RYR3: variants seen among roughly 807,000 people sequenced by gnomAD.
RYR3 encodes the protein brain ryanodine receptor-calcium release channel.
A neutral mutation model predicts 584.3 loss-of-function variants in RYR3; 207 were observed. That is an observed-to-expected ratio of 0.35 (90% confidence interval 0.32 to 0.40). The LOEUF is 0.40. RYR3 is among the 10% of genes least tolerant of loss of function. The pLI, the probability that RYR3 is intolerant of heterozygous loss-of-function variation, is 1.00. For missense variants in RYR3, 5,616 were observed against 6,089.2 expected (o/e 0.92, Z 2.59); for synonymous variants, 2,416 against 2,248.5 (o/e 1.07, Z -2.11).
chr15:33,694,315 G>A (rs1330829670), intron 38 of RYR3, among the ~76,000 whole-genome samples: 1 of 151,326 alleles, frequency 6.6e-6, no homozygotes, highest in East Asian at 1.9e-4. Flanking sequence ...TGCAATCTCA[G>A]CTCACTGCAA....
intron 53 of RYR3, among the ~76,000 whole-genome samples, chr15:33,747,715 G>A (rs145168049): frequency 2.6e-5 from 4 of 152,142 alleles, no homozygotes; most frequent in East Asian, 1.9e-4. Flanking sequence ...ATGAGCCACC[G>A]TGCCCAGCCC....
chr15:33,564,279 A>G (rs2057576559), intron 11 of RYR3, among the ~76,000 whole-genome samples: 2 of 152,160 alleles, frequency 1.3e-5, no homozygotes, highest in Non-Finnish European at 2.9e-5. Context: ...TCCTAAGCTG[A>G]CCGTGGATGG....
rs746157934 is a variant in RYR3, at chr15:33,823,046, C to T, written c.11046C>T (p.Ser3682=). 3.1e-6 allele frequency: 5 copies of T among 1,613,396 alleles called. No homozygotes were observed. The highest frequency in any genetic ancestry group is 2.5e-6 in the Non-Finnish European group (3 of 1,179,592). Residue 3682 remains serine (S), a synonymous_variant, in exon 81 of 104, where the codon AGC becomes AGT. Coordinates refer to ENST00000634891, the MANE Select transcript of RYR3 (RefSeq NM_001036.6). ...AAAAGGATGCTGGATTCTTTCAAAG[C>T]CTTTCTGGTCTTATGCAGTCTTGCA... The part of the protein sequence containing the change: ...KEKKDAGFFQ[S]LSGLMQSCSV...
intron 31 of RYR3, among the ~76,000 whole-genome samples, chr15:33,649,693 G>A (rs1251776728): frequency 6.6e-6 from 1 of 152,206 alleles, no homozygotes; most frequent in Non-Finnish European, 1.5e-5. Context: ...AGGAATAAAA[G>A]AGACATTGAA....
chr15:33,565,930 C>T (rs1414354799), intron 11 of RYR3, among the ~76,000 whole-genome samples: 1 of 152,202 alleles, frequency 6.6e-6, no homozygotes, highest in Non-Finnish European at 1.5e-5. Flanking sequence ...AACAAACACT[C>T]ATTGAGCACC....
intron 2 of RYR3, among the ~76,000 whole-genome samples, chr15:33,495,001 G>A (rs2051291967): frequency 6.6e-6 from 1 of 152,068 alleles, no homozygotes. Context: ...GAGTTAAATT[G>A]CGTTTTGGAA....
intron 80 of RYR3, among the ~76,000 whole-genome samples, chr15:33,822,587 T>G (rs2077168380): frequency 6.6e-6 from 1 of 152,274 alleles, no homozygotes; most frequent in Non-Finnish European, 1.5e-5. Flanking sequence ...ACAAAGTTCC[T>G]ACCTTCCAGT....
chr15:33,642,937 T>G (rs921142607), intron 27 of RYR3, among the ~76,000 whole-genome samples: 6 of 152,234 alleles, frequency 3.9e-5, no homozygotes, highest in Admixed American at 3.9e-4. Context: ...CACGTCTGTA[T>G]CCTAAGTGAG....
intron 1 of RYR3, among the ~76,000 whole-genome samples, chr15:33,323,329 C>T (rs892451244): frequency 1.1e-4 from 17 of 152,054 alleles, no homozygotes; most frequent in Non-Finnish European, 1.9e-4. Flanking sequence ...AGGATGGTCT[C>T]GATCTCCTGA....
chr15:33,642,062 G>T (rs1318469932), intron 27 of RYR3, among the ~76,000 whole-genome samples: 1 of 152,118 alleles, frequency 6.6e-6, no homozygotes. Context: ...CTTAGTTTTA[G>T]CCTTATTAAA....
rs1290549577 is a variant in RYR3 at position 33,390,077 on chromosome 15, TG to T, written c.51+78983del. 1.3e-5 allele frequency among the ~76,000 whole-genome samples: 2 copies of T among 152,204 alleles called. No individual in the cohort carries two copies. ...TTGCTGAAAACATGGTTTATGTTTGTGGTAAATGAAATTTATGTCGCCGGAT... is the reference window on the plus strand; with the variant it reads ...TTGCTGAAAACATGGTTTATGTTTGTGTAAATGAAATTTATGTCGCCGGAT... On this transcript the variant is annotated intron_variant, in intron 1 of 103. Coordinates refer to ENST00000634891, the MANE Select transcript of RYR3 (RefSeq NM_001036.6). This position sits in a 1 kb window ranked among gnomAD's most constrained non-coding sequence, Gnocchi z 4.2.
chr15:33,676,786 G>A (rs2064207306), intron 38 of RYR3, among the ~76,000 whole-genome samples: 1 of 152,170 alleles, frequency 6.6e-6, no homozygotes, highest in Non-Finnish European at 1.5e-5. Flanking sequence ...TGGCAAAGCA[G>A]GCATAAAAAC....
chr15:33,488,474 A>G (rs1185052529), intron 2 of RYR3, among the ~76,000 whole-genome samples: 1 of 136,894 alleles, frequency 7.3e-6, no homozygotes, highest in Non-Finnish European at 1.6e-5. Context: ...TTCTGTGATT[A>G]GAACATCTCT....
intron 38 of RYR3, among the ~76,000 whole-genome samples, chr15:33,683,677 G>A (rs547196503): frequency 1.3e-5 from 2 of 152,330 alleles, no homozygotes; most frequent in African/African-American, 4.8e-5. Context: ...AAGCAGGGTG[G>A]GGCATCACCT....
intron 1 of RYR3, among the ~76,000 whole-genome samples, chr15:33,348,051 C>G (rs1480165626): frequency 6.6e-6 from 1 of 151,928 alleles, no homozygotes; most frequent in African/African-American, 2.4e-5. Flanking sequence ...ATGTAACAAT[C>G]TGTGTCTCTA....
intron 1 of RYR3, among the ~76,000 whole-genome samples, chr15:33,397,555 C>T (rs1055854861): frequency 2.6e-5 from 4 of 152,092 alleles, no homozygotes; most frequent in African/African-American, 7.2e-5. Context: ...CAATCAGAGC[C>T]GTAGTCATGG....
At chr15:33,506,235 A>G (rs2052475030) in intron 3 of RYR3, among the ~76,000 whole-genome samples, 1 of 152,218 alleles carries the variant, frequency 6.6e-6, no homozygotes, top group African/African-American at 2.4e-5. Context: ...GAATATATGA[A>G]TAAGACCTAC....
chr15:33,780,141 G>T, intron 64 of RYR3, 70 bp from the exon 65 acceptor site: 1 of 1,573,518 alleles, frequency 6.4e-7, no homozygotes, highest in Non-Finnish European at 8.6e-7. Flanking sequence ...TATGGGGAAG[G>T]CCTGATCTGC....
At chr15:33,859,513 A>C in intron 99 of RYR3, 62 bp from the exon 100 acceptor site, 1 of 1,575,572 alleles carries the variant, frequency 6.3e-7, no homozygotes, top group Non-Finnish European at 8.7e-7. Context: ...GAATGATCTG[A>C]GCATCTTGCT....
Sources: gnomAD v4.1 joint callset for allele counts (sites outside exome capture counted in the v4.1 genomes callset) on GRCh38, gnomAD v4.1.1 for gene constraint, Gnocchi (gnomAD v3.1) non-coding constraint, MANE v1.5 for transcripts, NCBI Gene and HGNC (gene_info 2026-07-23, HGNC 2026-07-21) for gene names.